The following ERG variants were observed in gnomAD, a reference collection of about 807,000 sequenced individuals.
ERG encodes transcriptional regulator ERG.
In ERG, 9 loss-of-function variants were observed where a neutral mutation model predicts 55.3. That is an observed-to-expected ratio of 0.16 (90% CI 0.10 to 0.28). The LOEUF (loss-of-function observed/expected upper bound fraction) is 0.28. Among genes scored for constraint, ERG ranks in the 10% least tolerant of loss-of-function variants. The pLI is 1.00. For synonymous variants in ERG, 223 were observed against 237.3 expected (o/e 0.94, Z 0.55); for missense variants, 434 against 631.6 (o/e 0.69, Z 3.35).
chr21:38,546,728 C>A (rs890929693), intron 2 of ERG, among the ~76,000 whole-genome samples: 14 of 152,172 alleles, frequency 9.2e-5, no homozygotes, highest in African/African-American at 3.4e-4. Flanking sequence ...ACTCAGAACA[C>A]GCTTGTTAGA....
rs563392506 is a variant in ERG at position 38,649,717 on chromosome 21, C to T, written c.-150+11941G>A. 5.9e-5 allele frequency among the ~76,000 whole-genome samples: 9 copies of T among 152,308 alleles called. No individual in the cohort carries two copies. In the South Asian group the frequency reaches 1.7e-3, roughly 28 times the overall value. ...AGGCCTTGGAATAGAATTTCAGTTA[C>T]CCCTAAAGGGCTCACACCTAGTGGC... is the stretch of plus-strand genomic sequence containing the variant. On this transcript the variant is annotated intron_variant, in intron 1 of 10. Coordinates refer to the ERG transcript ENST00000398910.
At chr21:38,620,452 G>C (rs1327190017) in intron 1 of ERG, among the ~76,000 whole-genome samples, 4 of 152,186 alleles carry the variant, frequency 2.6e-5, no homozygotes, top group Non-Finnish European at 2.9e-5. Flanking sequence ...TGCTTAGGAA[G>C]GAGCAATAGT....
rs145494149 is a variant in ERG at position 38,397,470 on chromosome 21, C to A, written c.745+3104G>T. On this transcript the variant is annotated intron_variant, in intron 6 of 9. Transcript: ENST00000288319. The stretch of plus-strand genomic sequence containing the variant: ...AAAATTAGCTGGGCATGATGGCATG[C>A]GCCTGTAGCCCCAGCTACTCGGGAG... 8.5e-3 allele frequency among the ~76,000 whole-genome samples: 1,286 copies of A among 151,812 alleles called. 13 individuals are homozygous for A. Among genetic ancestry groups the A allele is most frequent in the Admixed American group, 0.018 (272 of 15,256 alleles).
chr21:38,544,937 G>A (rs1332905409), intron 2 of ERG, among the ~76,000 whole-genome samples: 1 of 152,034 alleles, frequency 6.6e-6, no homozygotes. Context: ...CCCTGAAATT[G>A]CTCATCCTCT....
At chr21:38,622,931 CCACACA>C (rs1158610576) in intron 1 of ERG, among the ~76,000 whole-genome samples, 3,097 of 122,780 alleles carry the variant, frequency 0.025, 111 homozygotes, top group African/African-American at 0.087. Flanking sequence ...CCATACCACA[CCACACA>C]CACACACACA....
chr21:38,592,488 C>T (rs2060106558), intron 1 of ERG, among the ~76,000 whole-genome samples: 1 of 152,122 alleles, frequency 6.6e-6, no homozygotes, highest in Non-Finnish European at 1.5e-5. Flanking sequence ...GAGTGCTCTT[C>T]AGTTACTCCC....
intron 1 of ERG, among the ~76,000 whole-genome samples, chr21:38,594,326 A>T (rs1713862242): frequency 2.6e-5 from 4 of 152,180 alleles, no homozygotes; most frequent in African/African-American, 9.7e-5. Flanking sequence ...CGCCACAAAC[A>T]TGCTTCCCCG....
intron 2 of ERG, among the ~76,000 whole-genome samples, chr21:38,425,413 A>G (rs1369747379): frequency 2.0e-5 from 3 of 151,786 alleles, no homozygotes; most frequent in African/African-American, 4.8e-5. Flanking sequence ...GAAAGAAAGA[A>G]AGAGAGAGAG....
intron 2 of ERG, among the ~76,000 whole-genome samples, chr21:38,510,402 G>A (rs3787909): frequency 0.05 from 7,581 of 152,194 alleles, 265 homozygotes; most frequent in East Asian, 0.19. Flanking sequence ...TCTTACACTG[G>A]GGAGCTCTTT....
chr21:38,469,110 C>CATTT (rs2059118278), intron 1 of ERG, among the ~76,000 whole-genome samples: 1 of 150,974 alleles, frequency 6.6e-6, no homozygotes, highest in Non-Finnish European at 1.5e-5. Flanking sequence ...CACTGGGGGT[C>CATTT]CCCTTATCTA....
In ERG at chr21:38,642,249, G is replaced by C. The variant is rs372902674; in HGVS notation, c.-150+19409C>G. ...TTTGGGGAAAAACATGTGTATAAGA[G>C]AGAAATTCCACTATCTGGAATGAAA... On this transcript the variant is annotated intron_variant, in intron 1 of 10. Transcript: ENST00000398910. Among the ~76,000 whole-genome samples, 33 of 152,324 alleles carry C rather than the reference G, an allele frequency of 2.2e-4. 1 individual carries two copies. The South Asian group carries it at 6.4e-3, about 30-fold the overall frequency.
At chr21:38,488,346 C>A (rs1316532964) in intron 1 of ERG, among the ~76,000 whole-genome samples, 1 of 152,018 alleles carries the variant, frequency 6.6e-6, no homozygotes, top group Non-Finnish European at 1.5e-5. Context: ...TAAACATCAC[C>A]CTTTGGTGCT....
chr21:38,480,594 T>TTTTTTG (rs1229515594), intron 1 of ERG, among the ~76,000 whole-genome samples: 1 of 108,242 alleles, frequency 9.2e-6, no homozygotes, highest in South Asian at 3.2e-4. Flanking sequence ...ATATGGCCTT[T>TTTTTTG]TTTTTTTTTT....
At chr21:38,485,184 T>C (rs1204928106) in intron 1 of ERG, among the ~76,000 whole-genome samples, 1 of 152,090 alleles carries the variant, frequency 6.6e-6, no homozygotes, top group Non-Finnish European at 1.5e-5. Context: ...TTGATGATCC[T>C]GACCCTGTGT....
chr21:38,531,981 C>T (rs538423546), intron 2 of ERG, among the ~76,000 whole-genome samples: 1 of 152,264 alleles, frequency 6.6e-6, no homozygotes, highest in South Asian at 2.1e-4. Context: ...ATAAAACTGA[C>T]AGAAGAAAGA....
chr21:38,498,343 A>C lies in ERG; in HGVS notation c.18+20T>G. On this transcript the variant is annotated intron_variant, in intron 1 of 9. Coordinates refer to ENST00000288319, the MANE Select transcript of ERG (RefSeq NM_182918.4). The surrounding 1 kb of genome is among the most constrained non-coding windows in gnomAD (Gnocchi z 4.6). ...AACAAGAACAAGATTTTGTCAAATT[A>C]AAAGGAACCCTTTCCTTACCTTAAT... 6.3e-7 allele frequency: 1 copy of C among 1,598,948 alleles called. No homozygotes were observed. Among genetic ancestry groups the C allele is most frequent in the South Asian group, 1.1e-5 (1 of 89,910 alleles).
At chr21:38,535,207 CTT>C (rs965431733) in intron 2 of ERG, among the ~76,000 whole-genome samples, 1 of 151,916 alleles carries the variant, frequency 6.6e-6, no homozygotes, top group Admixed American at 6.6e-5. Context: ...TATGATTCTA[CTT>C]ATGTGAGGTA....
At chr21:38,495,016 CT>C (rs978336262) in intron 1 of ERG, among the ~76,000 whole-genome samples, 145 of 152,272 alleles carry the variant, frequency 9.5e-4, no homozygotes, top group African/African-American at 3.4e-3. Flanking sequence ...CATTTTGCCC[CT>C]GGCCTTCCTT....
chr21:38,498,788 A>C (rs2059400021), upstream of ERG, among the ~76,000 whole-genome samples: 1 of 152,172 alleles, frequency 6.6e-6, no homozygotes, highest in African/African-American at 2.4e-5. The surrounding 1 kb of genome is among the most constrained non-coding windows in gnomAD (Gnocchi z 4.6). Flanking sequence ...CACGGGCTGC[A>C]AGCACCTTGG....
Sources: allele counts gnomAD v4.1 joint callset (sites outside exome capture counted in the v4.1 genomes callset), GRCh38; gene constraint gnomAD v4.1.1; non-coding constraint Gnocchi (gnomAD v3.1); transcripts MANE v1.5; gene names NCBI Gene and HGNC (gene_info 2026-07-23, HGNC 2026-07-21).